COMMD10: variants seen among roughly 807,000 people sequenced by gnomAD.
The protein encoded by COMMD10 is COMM domain-containing protein 10.
Under a neutral mutation model 28.9 loss-of-function variants are expected in COMMD10, and 33 were observed. The observed-to-expected ratio is 1.14, with a 90% CI of 0.87 to 1.53. COMMD10 has a LOEUF of 1.53. Ranked by LOEUF, COMMD10 falls within the 40% of genes most tolerant of loss-of-function variation. The pLI is 0.00. For synonymous variants in COMMD10, 110 were observed against 81.7 expected (o/e 1.35, Z -1.87); for missense variants, 310 against 233.4 (o/e 1.33, Z -2.14).
Position 116,114,248 on chromosome 5 carries a change from T to TG in COMMD10, c.400-19815dup, listed in dbSNP as rs368501830. Among the ~76,000 whole-genome samples, 1,195 of 152,196 alleles carry TG rather than the reference T, an allele frequency of 7.9e-3. 16 individuals carry two copies. The highest frequency in any genetic ancestry group is 0.027 in the African/African-American group (1,103 of 41,504). On this transcript the variant is annotated intron_variant, in intron 4 of 6. Transcript: ENST00000274458. ...TGGCAGTTCCATGCAGGCTGATTAT[T>TG]GGGGGCTCTGGGTGGCTCTTTTGGA...
intron 4 of COMMD10, among the ~76,000 whole-genome samples, chr5:116,106,306 C>G (rs547513533): frequency 1.3e-5 from 2 of 152,252 alleles, no homozygotes; most frequent in South Asian, 4.1e-4. Flanking sequence ...GAGTGAGTTT[C>G]TTAATCTTGA....
chr5:116,162,825 G>A (rs1318129294), intron 5 of COMMD10, among the ~76,000 whole-genome samples: 2 of 151,918 alleles, frequency 1.3e-5, no homozygotes, highest in Non-Finnish European at 2.9e-5. Flanking sequence ...CACCTTCTAG[G>A]GTCTACTTCA....
At chr5:116,115,696 G>T (rs1170105291) in intron 4 of COMMD10, among the ~76,000 whole-genome samples, 1 of 152,048 alleles carries the variant, frequency 6.6e-6, no homozygotes, top group Non-Finnish European at 1.5e-5. Context: ...TCTATTTGGA[G>T]CTCTTTTACG....
chr5:116,150,157 A>G (rs1480087962), intron 5 of COMMD10, among the ~76,000 whole-genome samples: 2 of 152,208 alleles, frequency 1.3e-5, no homozygotes, highest in African/African-American at 4.8e-5. Flanking sequence ...GTCAAAGATC[A>G]GATAGTTGTA....
At chr5:116,104,565 T>C (rs924207036) in intron 4 of COMMD10, among the ~76,000 whole-genome samples, 3 of 152,210 alleles carry the variant, frequency 2.0e-5, no homozygotes, top group South Asian at 4.1e-4. Flanking sequence ...TGGGGTTTTC[T>C]AAATATACAA....
chr5:116,221,061 A>G (rs1331984306), intron 5 of COMMD10, among the ~76,000 whole-genome samples: 1 of 148,774 alleles, frequency 6.7e-6, no homozygotes, highest in Non-Finnish European at 1.5e-5. Context: ...TGAAACATTA[A>G]GTTTTCCCTT....
At chr5:116,107,936 G>T (rs1268057399) in intron 4 of COMMD10, among the ~76,000 whole-genome samples, 1 of 152,122 alleles carries the variant, frequency 6.6e-6, no homozygotes, top group Non-Finnish European at 1.5e-5. Flanking sequence ...TAACTGTCAG[G>T]CCCTTCTGCT....
At position 116,252,232 on chromosome 5, in the gene COMMD10, T is replaced by C. The variant is rs899011096; in HGVS notation, c.511-39285T>C. On this transcript the variant is annotated intron_variant, in intron 5 of 6. Coordinates refer to ENST00000274458, the MANE Select transcript of COMMD10 (RefSeq NM_016144.4). Reference sequence around the variant, plus strand: ...TCAGATGAGTAGGTTGCGAAAATTTTCTCCCATTTTGTAGGCTGCCTGTTC... The same window carrying C: ...TCAGATGAGTAGGTTGCGAAAATTTCCTCCCATTTTGTAGGCTGCCTGTTC... 3.1e-4 allele frequency among the ~76,000 whole-genome samples: 44 copies of C among 141,486 alleles called. 2 individuals carry two copies. Among genetic ancestry groups the C allele is most frequent in the African/African-American group, 1.2e-3 (43 of 36,568 alleles). 92.8% of individuals were successfully genotyped at this position (141,486 alleles called of 152,430 possible).
chr5:116,267,751 A>G (rs1258321028), intron 5 of COMMD10, among the ~76,000 whole-genome samples: 1 of 151,920 alleles, frequency 6.6e-6, no homozygotes, highest in Admixed American at 6.5e-5. Flanking sequence ...CAAAACAGAG[A>G]TATAGCTCAA....
intron 5 of COMMD10, among the ~76,000 whole-genome samples, chr5:116,219,207 T>C (rs144157749): frequency 4.8e-4 from 70 of 145,504 alleles, no homozygotes; most frequent in Middle Eastern, 3.6e-3. Flanking sequence ...CTGGAGGCTA[T>C]TGTTGGTGGC....
chr5:116,254,870 G>A (rs1332085746), intron 5 of COMMD10, among the ~76,000 whole-genome samples: 9 of 151,368 alleles, frequency 5.9e-5, no homozygotes, highest in South Asian at 2.1e-4. Context: ...TTTCTGTCTC[G>A]TTGATCTGTC....
rs539174900 is a variant in COMMD10 at position 116,150,465 on chromosome 5, G to A, written c.510+16287G>A. On this transcript the variant is annotated intron_variant, in intron 5 of 6. Transcript: ENST00000274458. ...CCTTGGGAAGTATGGCTATTTTCATGATATTGATTCTTCCTACCCATGAGC... is the reference window on the plus strand; with the variant it reads ...CCTTGGGAAGTATGGCTATTTTCATAATATTGATTCTTCCTACCCATGAGC... 6.2e-4 allele frequency among the ~76,000 whole-genome samples: 95 copies of A among 152,024 alleles called. 1 individual carries two copies. The South Asian group carries it at 0.019, about 30-fold the overall frequency.
intron 5 of COMMD10, among the ~76,000 whole-genome samples, chr5:116,241,754 A>G (rs1319115569): frequency 6.6e-6 from 1 of 152,024 alleles, no homozygotes; most frequent in African/African-American, 2.4e-5. Context: ...CTGGGACTAC[A>G]GGCGCCCGCC....
At chr5:116,150,890 C>CT (rs1752501962) in intron 5 of COMMD10, among the ~76,000 whole-genome samples, 1 of 150,846 alleles carries the variant, frequency 6.6e-6, no homozygotes, top group Non-Finnish European at 1.5e-5. Flanking sequence ...ACTTCCAACA[C>CT]TATGTTGAAT....
chr5:116,162,699 C>T (rs971349820), intron 5 of COMMD10, among the ~76,000 whole-genome samples: 2 of 152,074 alleles, frequency 1.3e-5, no homozygotes, highest in East Asian at 3.9e-4. Flanking sequence ...ACTTTTCTAT[C>T]CAGAGGGACA....
chr5:116,096,604 A>G (rs917541247), intron 4 of COMMD10, among the ~76,000 whole-genome samples: 2 of 152,198 alleles, frequency 1.3e-5, no homozygotes, highest in South Asian at 4.1e-4. Context: ...TTTACTGACA[A>G]GGACTTCCAA....
chr5:116,198,447 A>T (rs1748584752), intron 5 of COMMD10, among the ~76,000 whole-genome samples: 1 of 152,116 alleles, frequency 6.6e-6, no homozygotes, highest in Non-Finnish European at 1.5e-5. Context: ...CCCTTCCCCT[A>T]TGCATGCATA....
At chr5:116,087,757 G>C (rs899977207) in intron 2 of COMMD10, among the ~76,000 whole-genome samples, 170 bp downstream of exon 2, 2 of 152,202 alleles carry the variant, frequency 1.3e-5, no homozygotes, top group Non-Finnish European at 2.9e-5. Flanking sequence ...GAGAAACTCT[G>C]TCTTCAATAA....
chr5:116,235,741 T>G (rs1749643872), intron 5 of COMMD10, among the ~76,000 whole-genome samples: 1 of 152,208 alleles, frequency 6.6e-6, no homozygotes, highest in Admixed American at 6.5e-5. Context: ...CACATTCTTG[T>G]GTTGGTAACA....
Sources: allele counts gnomAD v4.1 joint callset (sites outside exome capture counted in the v4.1 genomes callset), GRCh38; gene constraint gnomAD v4.1.1; transcripts MANE v1.5; gene names NCBI Gene and HGNC (gene_info 2026-07-23, HGNC 2026-07-21).